The following C2CD3 variants were observed in gnomAD, a reference collection of about 807,000 sequenced individuals.
C2CD3 encodes the protein C2 domain containing 3 centriole elongation regulator.
Under a neutral mutation model 234.0 loss-of-function variants are expected in C2CD3, and 148 were observed. That is an observed-to-expected ratio of 0.63 (90% CI 0.55 to 0.72). The LOEUF (loss-of-function observed/expected upper bound fraction) is 0.72. C2CD3 is among the 30% of genes least tolerant of loss of function. The pLI is 0.00. For missense variants in C2CD3, 2,577 were observed against 2,811.5 expected (o/e 0.92, Z 1.89); for synonymous variants, 1,000 against 1,035.4 (o/e 0.97, Z 0.66).
At chr11:74,021,897 G>A (rs1952102513) in intron 32 of C2CD3, among the ~76,000 whole-genome samples, 2 of 152,262 alleles carry the variant, frequency 1.3e-5, no homozygotes, top group South Asian at 2.1e-4. Context: ...AAGCTGAGGC[G>A]GGCAGATCAC....
At chr11:74,041,968 T>C in intron 29 of C2CD3, 86 bp downstream of exon 29, 1 of 1,375,570 alleles carries the variant, frequency 7.3e-7, no homozygotes. Context: ...TGGCAGGTGA[T>C]GGAAAAGCAG....
intron 32 of C2CD3, among the ~76,000 whole-genome samples, chr11:74,014,275 G>C (rs1483714199): frequency 6.6e-6 from 1 of 152,188 alleles, no homozygotes; most frequent in African/African-American, 2.4e-5. Context: ...AAGAAGTGGG[G>C]GCCTGATAGG....
intron 9 of C2CD3, 39 bp from the exon 10 acceptor site, chr11:74,114,632 C>G: frequency 7.3e-6 from 9 of 1,238,902 alleles, no homozygotes; most frequent in South Asian, 1.2e-5. Context: ...CATACTGCTA[C>G]AGGCTTCACA....
chr11:74,097,877 A>G (rs953374368), intron 16 of C2CD3, 132 bp downstream of exon 16: 2 of 779,274 alleles, frequency 2.6e-6, no homozygotes, highest in Non-Finnish European at 2.0e-6. Context: ...ATTTATAGGA[A>G]GCACTGGAGT....
At chr11:74,132,783 A>C (rs1018934716) in intron 7 of C2CD3, 61 bp downstream of exon 7, 9 of 1,520,356 alleles carry the variant, frequency 5.9e-6, no homozygotes, top group Non-Finnish European at 7.2e-6. Context: ...ATCTGATAAC[A>C]ATGCATACTA....
chr11:74,046,551 A>G (rs1030455438), intron 28 of C2CD3, among the ~76,000 whole-genome samples: 5 of 151,622 alleles, frequency 3.3e-5, no homozygotes, highest in Admixed American at 3.3e-4. Context: ...ATCATCTTGA[A>G]CTCCTGGCCT....
At chr11:74,054,464 T>C (rs1167432213) in intron 26 of C2CD3, 143 bp downstream of exon 26, 3 of 520,876 alleles carry the variant, frequency 5.8e-6, no homozygotes, top group Non-Finnish European at 6.5e-6. Flanking sequence ...CTCTACCACA[T>C]ATCTGCATTC....
chr11:74,138,532 C>T (rs144545448), intron 5 of C2CD3, among the ~76,000 whole-genome samples, 188 bp downstream of exon 5: 64 of 152,276 alleles, frequency 4.2e-4, no homozygotes, highest in African/African-American at 1.2e-3. Flanking sequence ...AGTAATTATT[C>T]AGAAATACCT....
chr11:74,028,694 G>C (rs2135408666), intron 31 of C2CD3, among the ~76,000 whole-genome samples: 1 of 152,298 alleles, frequency 6.6e-6, no homozygotes, highest in Admixed American at 6.5e-5. Flanking sequence ...CAACACAGGA[G>C]AATGCTTAAT....
At chr11:74,063,150 C>A (rs931341651) in intron 24 of C2CD3, among the ~76,000 whole-genome samples, 1 of 152,150 alleles carries the variant, frequency 6.6e-6, no homozygotes, top group Non-Finnish European at 1.5e-5. Context: ...AGCCTACCAA[C>A]CAAAAACATC....
chr11:74,021,477 C>T (rs1221768863), intron 32 of C2CD3, among the ~76,000 whole-genome samples: 11 of 152,056 alleles, frequency 7.2e-5, no homozygotes, highest in Admixed American at 2.6e-4. Flanking sequence ...AGTTAACCAT[C>T]GGGAGTCTTC....
chr11:74,034,620 AT>A, intron 30 of C2CD3: 2 of 1,608,754 alleles, frequency 1.2e-6, no homozygotes, highest in Non-Finnish European at 1.7e-6. Flanking sequence ...TATATTAAAA[AT>A]CAAAATGAGA....
intron 9 of C2CD3, among the ~76,000 whole-genome samples, chr11:74,116,904 GTGTA>G (rs1175988097): frequency 2.0e-4 from 21 of 105,642 alleles, no homozygotes; most frequent in East Asian, 3.4e-4. Context: ...ATATACACAC[GTGTA>G]TGTATATATA....
Position 74,103,204 on chromosome 11 carries a change from A to G in C2CD3, c.2507T>C (p.Leu836Pro), listed in dbSNP as rs1433042199. The G allele has an allele frequency of 6.2e-7, 1 of 1,614,244 alleles. No homozygotes were observed. Among genetic ancestry groups the G allele is most frequent in the Non-Finnish European group, 8.5e-7 (1 of 1,180,030 alleles). ...TCTGGTGACTTCCTCTGTGCTGAAG[A>G]GTTTACAATTTAAATAAACATTGCA... is the stretch of plus-strand genomic sequence containing the variant. ...SPCNVYLNCK[L>P]FSTEEVTRSV... is the part of the protein sequence containing the mutation. The change falls in exon 14 of 33, where the codon CTC (leucine) becomes CCC (proline). Residue 836 changes from leucine to proline, a missense_variant. By Grantham distance (98) the Leu-to-Pro change is moderately conservative. Transcript: ENST00000334126.
chr11:74,164,707 T>C (rs1856693310), intron 2 of C2CD3: 1 of 152,246 alleles, frequency 6.6e-6, no homozygotes, highest in African/African-American at 2.4e-5. Context: ...TTCTCATTAG[T>C]TAAACAGAAA....
At chr11:74,122,691 A>G (rs543813286) in intron 8 of C2CD3, among the ~76,000 whole-genome samples, 1 of 152,310 alleles carries the variant, frequency 6.6e-6, no homozygotes, top group Admixed American at 6.5e-5. Context: ...CTTCCTTATA[A>G]AAGCTCTAAG....
chr11:74,049,456 T>C lies in C2CD3; in HGVS notation c.5242A>G (p.Thr1748Ala), dbSNP rs1953565575. Residue 1748 changes from threonine (T) to alanine (A), a missense_variant, in exon 27 of 33, where the codon ACA becomes GCA. Transcript: ENST00000334126. The part of the protein sequence containing the change: ...FQFVCGWYNI[T>A]DFSGECQGQI... ...CCCTGGCACTCTCCACTGAAGTCTG[T>C]GATGTTGTACCAGCCACAGACAAAC... 6.2e-7 allele frequency: 1 copy of C among 1,613,658 alleles called. No individual in the cohort carries two copies. Among genetic ancestry groups the C allele is most frequent in the Non-Finnish European group, 8.5e-7 (1 of 1,179,968 alleles).
chr11:74,130,181 C>A (rs1957612873), intron 7 of C2CD3, among the ~76,000 whole-genome samples: 1 of 144,396 alleles, frequency 6.9e-6, no homozygotes, highest in Non-Finnish European at 1.5e-5. Context: ...GCTGTTTGAT[C>A]CATTTTGAGT....
At chr11:74,103,669 G>A in intron 13 of C2CD3, 44 bp from the exon 14 acceptor site, 3 of 1,524,522 alleles carry the variant, frequency 2.0e-6, no homozygotes, top group Non-Finnish European at 2.6e-6. Context: ...ATGTCCTTTA[G>A]AATTGGAATT....
Sources: allele counts gnomAD v4.1 joint callset (sites outside exome capture counted in the v4.1 genomes callset), GRCh38; gene constraint gnomAD v4.1.1; transcripts MANE v1.5; gene names NCBI Gene and HGNC (gene_info 2026-07-23, HGNC 2026-07-21).